The following CLMN variants were observed in gnomAD, a reference collection of about 807,000 sequenced individuals.
CLMN encodes the protein calmin.
In CLMN, 57 loss-of-function variants were observed where a neutral mutation model predicts 92.7. That is an observed-to-expected ratio of 0.61 (90% CI 0.50 to 0.77). The LOEUF is 0.77. Among genes scored for constraint, CLMN ranks in the 30% least tolerant of loss-of-function variants. The pLI is 0.00. For synonymous variants in CLMN, 466 were observed against 470.6 expected (o/e 0.99, Z 0.13); for missense variants, 1,158 against 1,237.5 (o/e 0.94, Z 0.96).
chr14:95,247,790 G>A (rs1043318427), intron 1 of CLMN, among the ~76,000 whole-genome samples: 14 of 152,170 alleles, frequency 9.2e-5, no homozygotes, highest in Non-Finnish European at 2.1e-4. Flanking sequence ...CTGGTCCTTC[G>A]AATCAAAGGG....
Position 95,189,497 on chromosome 14 carries a change from T to A in CLMN, c.*2067A>T, listed in dbSNP as rs528137716. On this transcript the variant is annotated 3_prime_UTR_variant, in exon 13 of 13. Coordinates refer to ENST00000298912, the MANE Select transcript of CLMN (RefSeq NM_024734.4). The stretch of plus-strand genomic sequence containing the variant: ...GCAAAATATCAGTTGACTGCCAACC[T>A]GAACCAAATGACTTTCAGGCATCTT... The A allele has an allele frequency of 2.6e-5, 4 of 152,330 alleles. No homozygotes were observed. The highest frequency in any genetic ancestry group is 4.1e-4 in the South Asian group (2 of 4,830). 9.4% of individuals were successfully genotyped at this position (152,330 alleles called of 1,614,324 possible).
intron 1 of CLMN, among the ~76,000 whole-genome samples, chr14:95,317,378 A>G (rs2140808553): frequency 6.6e-6 from 1 of 152,342 alleles, no homozygotes; most frequent in African/African-American, 2.4e-5. Context: ...TAAGCAAAGC[A>G]CAACGCCCGA....
At chr14:95,318,546 C>T (rs953911902) in intron 1 of CLMN, among the ~76,000 whole-genome samples, 1 of 152,098 alleles carries the variant, frequency 6.6e-6, no homozygotes, top group Admixed American at 6.5e-5. Context: ...GCTCGGCCAT[C>T]CCCCAGCGCT....
intron 1 of CLMN, among the ~76,000 whole-genome samples, chr14:95,252,074 C>T (rs1028034239): frequency 5.9e-5 from 9 of 152,182 alleles, no homozygotes; most frequent in African/African-American, 1.2e-4. Flanking sequence ...GGCCCAAGAC[C>T]GTGGACTCGG....
At chr14:95,222,297 C>CGAAAGAGA in intron 3 of CLMN, 1 of 233,166 alleles carries the variant, frequency 4.3e-6, no homozygotes, top group Non-Finnish European at 8.7e-6. Flanking sequence ...TATCCCAGGT[C>CGAAAGAGA]GAAAGAGAGA....
chr14:95,282,454 C>G (rs563402642), intron 1 of CLMN, among the ~76,000 whole-genome samples: 1 of 152,274 alleles, frequency 6.6e-6, no homozygotes, highest in African/African-American at 2.4e-5. Flanking sequence ...AGGGTCAGAT[C>G]AGAGCAATAT....
chr14:95,269,851 C>G (rs559400706), intron 1 of CLMN, among the ~76,000 whole-genome samples: 1 of 152,268 alleles, frequency 6.6e-6, no homozygotes, highest in South Asian at 2.1e-4. Context: ...CCGGCCTGGC[C>G]CCTGCACCTC....
intron 1 of CLMN, among the ~76,000 whole-genome samples, chr14:95,304,280 T>C (rs1901179833): frequency 6.6e-6 from 1 of 151,970 alleles, no homozygotes; most frequent in Admixed American, 6.6e-5. Flanking sequence ...AGGCTGCAGT[T>C]TGCCATGATG....
chr14:95,196,817 C>G (rs1195418447), intron 9 of CLMN, 123 bp from the exon 10 acceptor site: 6 of 862,234 alleles, frequency 7.0e-6, no homozygotes, highest in African/African-American at 1.7e-5. Context: ...TGCCTGTTCC[C>G]TGATCCTCTT....
At chr14:95,293,968 C>T (rs115670164) in intron 1 of CLMN, among the ~76,000 whole-genome samples, 3,431 of 152,264 alleles carry the variant, frequency 0.023, 156 homozygotes, top group African/African-American at 0.079. Context: ...ACTTACCAAA[C>T]GCCAGCAGGG....
At chr14:95,286,878 C>A (rs1041821843) in intron 1 of CLMN, among the ~76,000 whole-genome samples, 1 of 152,194 alleles carries the variant, frequency 6.6e-6, no homozygotes, top group Non-Finnish European at 1.5e-5. Flanking sequence ...CTGCTCACCA[C>A]GTGACCCCAC....
At chr14:95,217,350 T>C (rs1038159756) in intron 4 of CLMN, among the ~76,000 whole-genome samples, 3 of 152,218 alleles carry the variant, frequency 2.0e-5, no homozygotes, top group African/African-American at 7.2e-5. Flanking sequence ...CAGTTCATCA[T>C]GGGTTTCCGA....
chr14:95,204,000 G>A lies in CLMN; in HGVS notation c.1349C>T (p.Pro450Leu). The part of the protein sequence containing the change: ...KNLSLCFEGS[P>L]RVAKESLRQD... Reference sequence around the variant, plus strand: ...CCTCAATGATTCCTTTGCCACTCTTGGGCTCCCTTCAAAGCAAAGGGACAG... The same window carrying A: ...CCTCAATGATTCCTTTGCCACTCTTAGGCTCCCTTCAAAGCAAAGGGACAG... The change falls in exon 9 of 13, where the codon CCA (proline) becomes CTA (leucine). Residue 450 changes from proline (P) to leucine (L), a missense_variant. Transcript: ENST00000298912. 1 of 1,614,100 alleles carries A rather than the reference G, an allele frequency of 6.2e-7. No individual in the cohort carries two copies. The highest frequency in any genetic ancestry group is 8.5e-7 in the Non-Finnish European group (1 of 1,180,014).
intron 1 of CLMN, among the ~76,000 whole-genome samples, chr14:95,252,093 T>C (rs192384044): frequency 2.7e-4 from 41 of 152,306 alleles, no homozygotes; most frequent in African/African-American, 9.4e-4. Context: ...GGGGTGGTCC[T>C]TCCTTCTCCA....
At chr14:95,293,230 CTCCCTCCCTCCTTCCT>C (rs1900655002) in intron 1 of CLMN, among the ~76,000 whole-genome samples, 3 of 72,390 alleles carry the variant, frequency 4.1e-5, no homozygotes, top group African/African-American at 1.0e-4. Context: ...CCTTCTTTTC[CTCCCTCCCTCCTTCCT>C]TCCCTCCCTC....
chr14:95,309,909 A>C, intron 1 of CLMN, among the ~76,000 whole-genome samples: 1 of 152,162 alleles, frequency 6.6e-6, no homozygotes, highest in East Asian at 1.9e-4. Context: ...ACACAAATAA[A>C]TTCTCTTCTA....
intron 1 of CLMN, among the ~76,000 whole-genome samples, chr14:95,297,585 C>T (rs1900857837): frequency 6.6e-6 from 1 of 152,200 alleles, no homozygotes; most frequent in South Asian, 2.1e-4. Flanking sequence ...CTTCTCCAAG[C>T]TGTCATATAC....
intron 2 of CLMN, among the ~76,000 whole-genome samples, chr14:95,228,414 T>A (rs1487852859): frequency 6.6e-6 from 1 of 152,222 alleles, no homozygotes; most frequent in Admixed American, 6.5e-5. Context: ...CTTTCACCCG[T>A]AGAGTTCAGG....
rs1269361985 is a variant in CLMN, at chr14:95,184,538, C to T, written c.*7026G>A. 1 of 152,246 alleles carries T rather than the reference C, an allele frequency of 6.6e-6. No homozygotes were observed. 9.4% of individuals were successfully genotyped at this position (152,246 alleles called of 1,614,324 possible). On this transcript the variant is annotated 3_prime_UTR_variant, in exon 13 of 13. Transcript: ENST00000298912. ...TGTTTTTTGGCATGTTGCTCCAGCCCTGGCTGGGAGGAACTGCTTGCTTGA... is the reference window on the plus strand; with the variant it reads ...TGTTTTTTGGCATGTTGCTCCAGCCTTGGCTGGGAGGAACTGCTTGCTTGA...
Sources: gnomAD v4.1 joint callset for allele counts (sites outside exome capture counted in the v4.1 genomes callset) on GRCh38, gnomAD v4.1.1 for gene constraint, MANE v1.5 for transcripts, NCBI Gene and HGNC (gene_info 2026-07-23, HGNC 2026-07-21) for gene names.